The following UBOX5 variants were observed in gnomAD, a reference collection of about 807,000 sequenced individuals.
UBOX5 encodes the protein RING finger protein 37.
Under a neutral mutation model 39.0 loss-of-function variants are expected in UBOX5, and 28 were observed. That is an observed-to-expected ratio of 0.72 (90% CI 0.53 to 0.98). The LOEUF is 0.98. Ranked by LOEUF, UBOX5 falls within the 50% of genes least tolerant of loss-of-function variation. The pLI is 0.00. For synonymous variants in UBOX5, 283 were observed against 275.5 expected (o/e 1.03, Z -0.27); for missense variants, 585 against 674.4 (o/e 0.87, Z 1.47).
At chr20:3,131,865 G>A (rs762277611) in intron 1 of UBOX5, among the ~76,000 whole-genome samples, 10 of 151,900 alleles carry the variant, frequency 6.6e-5, no homozygotes, top group African/African-American at 1.4e-4. Flanking sequence ...AAAATTAGCC[G>A]GGCAAGGTGG....
In UBOX5 at chr20:3,110,204, G is replaced by A. The variant is rs2066242653; in HGVS notation, c.1528C>T (p.Arg510Ter). 8 of 1,613,964 alleles carry A rather than the reference G, an allele frequency of 5.0e-6. No homozygotes were observed. The highest frequency in any genetic ancestry group is 1.3e-5 in the African/African-American group (1 of 75,054). The part of the protein sequence containing the change: ...YQLPCGHLLC[R>*]PCLGEKQRSL... ...CGTTGCTTCTCACCCAGGCAGGGTC[G>A]GCACAGGAGGTGGCCGCAGGGCAGC... Residue 510 changes from arginine to a stop codon, truncating the protein, a stop_gained, in exon 5 of 5, where the codon CGA becomes TGA. Coordinates refer to ENST00000217173, the MANE Select transcript of UBOX5 (RefSeq NM_014948.4). LOFTEE classifies it high-confidence loss of function.
chr20:3,126,080 T>C (rs1049162316), intron 1 of UBOX5, among the ~76,000 whole-genome samples: 2 of 151,902 alleles, frequency 1.3e-5, no homozygotes, highest in Non-Finnish European at 2.9e-5. Flanking sequence ...AAAAGGGAAA[T>C]GTGGGGAAAA....
intron 1 of UBOX5, among the ~76,000 whole-genome samples, chr20:3,139,583 G>A (rs2066499331): frequency 6.6e-6 from 1 of 150,958 alleles, no homozygotes; most frequent in Admixed American, 6.6e-5. Flanking sequence ...GTAGAGACGA[G>A]GTTTCACCAT....
intron 1 of UBOX5, among the ~76,000 whole-genome samples, chr20:3,130,508 C>T (rs1438133031): frequency 1.3e-5 from 2 of 151,950 alleles, no homozygotes; most frequent in Non-Finnish European, 2.9e-5. Flanking sequence ...CCAAACCCAA[C>T]TTGTTTGCAA....
Position 3,110,097 on chromosome 20 carries a change from G to T in UBOX5, c.*9C>A, listed in dbSNP as rs2066241204. ...CAGCAATGGGTCTCCTCCAGTGGAG[G>T]TCAGTCACTCAGAAGTGGACCCGCA... On this transcript the variant is annotated 3_prime_UTR_variant, in exon 5 of 5. Coordinates refer to ENST00000217173, the MANE Select transcript of UBOX5 (RefSeq NM_014948.4). 2 of 1,610,192 alleles carry T rather than the reference G, an allele frequency of 1.2e-6. No homozygotes were observed. Among genetic ancestry groups the T allele is most frequent in the Non-Finnish European group, 1.7e-6 (2 of 1,179,984 alleles).
Position 3,110,032 on chromosome 20 carries a change from G to A in UBOX5, c.*74C>T, listed in dbSNP as rs2066240747. 6 of 1,570,088 alleles carry A rather than the reference G, an allele frequency of 3.8e-6. No homozygotes were observed. In the Admixed American group the frequency reaches 1.0e-4, roughly 26 times the overall value. On this transcript the variant is annotated 3_prime_UTR_variant, in exon 5 of 5. Transcript: ENST00000217173. ...TGCCTGGGGCCTGGCCAGACCTCAGGGGTGCTGTGGCCCTGCTCCTGTTCC... is the reference window on the plus strand; with the variant it reads ...TGCCTGGGGCCTGGCCAGACCTCAGAGGTGCTGTGGCCCTGCTCCTGTTCC...
chr20:3,120,345 C>CAAAAA (rs35882932), intron 3 of UBOX5, among the ~76,000 whole-genome samples: 1 of 71,000 alleles, frequency 1.4e-5, no homozygotes, highest in Non-Finnish European at 2.9e-5. Context: ...GACTCCATCT[C>CAAAAA]AAAAAAAAAA....
chr20:3,120,207 C>T (rs890888208), intron 3 of UBOX5, among the ~76,000 whole-genome samples: 1 of 151,484 alleles, frequency 6.6e-6, no homozygotes, highest in Non-Finnish European at 1.5e-5. Flanking sequence ...ATTAGCTGGG[C>T]GTGGTGGCGC....
At chr20:3,155,754 C>T (rs2066677472) in intron 1 of UBOX5, among the ~76,000 whole-genome samples, 1 of 152,150 alleles carries the variant, frequency 6.6e-6, no homozygotes, top group Non-Finnish European at 1.5e-5. Context: ...CAAGCACTTT[C>T]TACTACCTAA....
At chr20:3,124,040 C>G (rs560240200) in intron 1 of UBOX5, among the ~76,000 whole-genome samples, 1 of 151,908 alleles carries the variant, frequency 6.6e-6, no homozygotes, top group South Asian at 2.1e-4. Flanking sequence ...ATCTCTACAA[C>G]AAAACGTTGT....
rs561643989 is a variant in UBOX5 at position 3,159,128 on chromosome 20, G to A, written c.-42+638C>T. On this transcript the variant is annotated intron_variant, in intron 1 of 4. Coordinates refer to ENST00000217173, the MANE Select transcript of UBOX5 (RefSeq NM_014948.4). ...CACGGTTTGCACAGAAAGAGAAAGA[G>A]CAACTATTCTTACCCACGGAAAGAA... Among the ~76,000 whole-genome samples the A allele has an allele frequency of 1.3e-5, 2 of 152,284 alleles. 1 individual carries two copies. Among genetic ancestry groups the A allele is most frequent in the African/African-American group, 4.8e-5 (2 of 41,542 alleles).
rs755960073 is a variant in UBOX5, at chr20:3,110,321, A to T, written c.1418-7T>A. On this transcript the variant is annotated splice_polypyrimidine_tract_variant and splice_region_variant and intron_variant, in intron 4 of 4. Transcript: ENST00000217173. Reference sequence around the variant, plus strand: ...AGGATGCTCCCAGGCTGCTCTGGTAAATCAGGAAGGAAAACAGGCCAGGGT... The same window carrying T: ...AGGATGCTCCCAGGCTGCTCTGGTATATCAGGAAGGAAAACAGGCCAGGGT... 1.9e-6 allele frequency: 3 copies of T among 1,613,956 alleles called. No homozygotes were observed. Among genetic ancestry groups the T allele is most frequent in the Non-Finnish European group, 2.5e-6 (3 of 1,179,942 alleles).
At chr20:3,156,919 C>T (rs565508402) in intron 1 of UBOX5, 1 of 152,140 alleles carries the variant, frequency 6.6e-6, no homozygotes, top group Non-Finnish European at 1.5e-5. Flanking sequence ...CACTCCAACC[C>T]TATTCTTGTC....
At chr20:3,119,596 G>A (rs1036583721) in intron 3 of UBOX5, among the ~76,000 whole-genome samples, 1 of 151,734 alleles carries the variant, frequency 6.6e-6, no homozygotes, top group African/African-American at 2.4e-5. Flanking sequence ...GCTTATACCT[G>A]TAATCCTAGC....
At chr20:3,156,553 T>C (rs1366825930) in intron 1 of UBOX5, 1 of 152,202 alleles carries the variant, frequency 6.6e-6, no homozygotes, top group Non-Finnish European at 1.5e-5. Flanking sequence ...GCCCCAAGTA[T>C]ACCTTTCTCC....
chr20:3,128,382 G>A (rs1259035732), intron 1 of UBOX5, among the ~76,000 whole-genome samples: 2 of 152,182 alleles, frequency 1.3e-5, no homozygotes, highest in Non-Finnish European at 2.9e-5. Flanking sequence ...GGAAAAGCAA[G>A]CCTAGGATGC....
intron 4 of UBOX5, among the ~76,000 whole-genome samples, chr20:3,112,575 G>A (rs77905927): frequency 0.072 from 10,958 of 152,196 alleles, 502 homozygotes; most frequent in Middle Eastern, 0.13. Context: ...ATGGCCTCCT[G>A]TAGGAAGAGC....
At chr20:3,154,574 T>G (rs1224361867) in intron 1 of UBOX5, among the ~76,000 whole-genome samples, 1 of 152,008 alleles carries the variant, frequency 6.6e-6, no homozygotes, top group Non-Finnish European at 1.5e-5. Context: ...TCCTAGCTAC[T>G]CAGGAGGTAG....
In UBOX5 at chr20:3,121,366, C is replaced by A; in HGVS notation, c.1255+18G>T. ...GGAGATGGATGAGCCTGGCTGCGGA[C>A]ACAGGATGCTGAATTACCTGTCGAG... On this transcript the variant is annotated intron_variant, in intron 3 of 4. Coordinates refer to ENST00000217173, the MANE Select transcript of UBOX5 (RefSeq NM_014948.4). 6.3e-7 allele frequency: 1 copy of A among 1,591,290 alleles called. No individual in the cohort carries two copies. The highest frequency in any genetic ancestry group is 8.6e-7 in the Non-Finnish European group (1 of 1,167,886).
Sources: allele counts gnomAD v4.1 joint callset (sites outside exome capture counted in the v4.1 genomes callset), GRCh38; gene constraint gnomAD v4.1.1; transcripts MANE v1.5; gene names NCBI Gene and HGNC (gene_info 2026-07-23, HGNC 2026-07-21).